Variants in MCUB observed in about 807,000 individuals in gnomAD.
MCUB encodes the protein calcium uniporter regulatory subunit MCUb, mitochondrial.
Under a neutral mutation model 41.4 loss-of-function variants are expected in MCUB, and 46 were observed. That is an observed-to-expected ratio of 1.11 (90% CI 0.88 to 1.42). The LOEUF (loss-of-function observed/expected upper bound fraction) is 1.42. Ranked by LOEUF, MCUB falls within the 40% of genes most tolerant of loss-of-function variation. The probability of loss-of-function intolerance (pLI) is 0.00; values close to 1 mark genes in which losing one functional copy is unlikely to be tolerated. For missense variants in MCUB, 403 were observed against 404.9 expected, an observed-to-expected ratio of 1.00 and a Z score of 0.04; for synonymous variants, 148 against 148.2, an observed-to-expected ratio of 1.00 and a Z score of 0.01.
At position 109,664,313 on chromosome 4, in the gene MCUB, A is replaced by T; in HGVS notation, c.370A>T (p.Thr124Ser). 1 of 1,565,896 alleles carries T rather than the reference A, an allele frequency of 6.4e-7. No individual in the cohort carries two copies. The highest frequency in any genetic ancestry group is 8.8e-7 in the Non-Finnish European group (1 of 1,136,390). Residue 124 changes from threonine (T) to serine (S), a missense_variant, in exon 4 of 8, where the codon ACC becomes TCC. Thr to Ser is a moderately conservative substitution (Grantham distance 58). Coordinates refer to ENST00000394650, the MANE Select transcript of MCUB (RefSeq NM_017918.5). ...TADGNMISAS[T>S]LMDILLMNDF... ...AGATGGCAACATGATTTCAGCTTCTACCTTGATGGATATTTTGCTAATGAA... is the reference window on the plus strand; with the variant it reads ...AGATGGCAACATGATTTCAGCTTCTTCCTTGATGGATATTTTGCTAATGAA...
intron 1 of MCUB, among the ~76,000 whole-genome samples, chr4:109,625,000 TGTG>T (rs1180228050): frequency 1.3e-5 from 2 of 151,888 alleles, no homozygotes; most frequent in Non-Finnish European, 2.9e-5. Context: ...ATTAGCCAGG[TGTG>T]GTGGAGCATG....
chr4:109,647,423 G>A (rs748930164), intron 1 of MCUB, among the ~76,000 whole-genome samples: 6 of 151,924 alleles, frequency 3.9e-5, no homozygotes, highest in Admixed American at 1.3e-4. Context: ...TCATGTAGTC[G>A]GAATCACACA....
chr4:109,578,810 CCTCT>C (rs1434568785), intron 1 of MCUB, among the ~76,000 whole-genome samples: 3 of 152,096 alleles, frequency 2.0e-5, no homozygotes, highest in Admixed American at 2.0e-4. Context: ...CTATTTTTCT[CCTCT>C]CTCTTTTTTG....
intron 4 of MCUB, among the ~76,000 whole-genome samples, chr4:109,676,919 A>C (rs1158363004): frequency 6.6e-6 from 1 of 152,228 alleles, no homozygotes; most frequent in African/African-American, 2.4e-5. Flanking sequence ...AATATTTGGA[A>C]AATTCACAGC....
intron 1 of MCUB, among the ~76,000 whole-genome samples, chr4:109,636,750 G>A (rs558828124): frequency 6.6e-5 from 10 of 152,252 alleles, no homozygotes; most frequent in South Asian, 4.2e-4. Flanking sequence ...CAGGAGAATC[G>A]CTTGAACCTG....
intron 1 of MCUB, among the ~76,000 whole-genome samples, chr4:109,588,393 G>T (rs1391672444): frequency 6.6e-6 from 1 of 152,164 alleles, no homozygotes; most frequent in Non-Finnish European, 1.5e-5. Flanking sequence ...CTGTGTGACT[G>T]CAGTGAGAAT....
At chr4:109,573,211 G>A (rs1017939825) in intron 1 of MCUB, among the ~76,000 whole-genome samples, 49 of 152,228 alleles carry the variant, frequency 3.2e-4, no homozygotes, top group African/African-American at 1.2e-3. Context: ...CCAGCACTTT[G>A]GGAGGCCGAG....
At chr4:109,615,405 A>T (rs984509759) in intron 1 of MCUB, among the ~76,000 whole-genome samples, 3 of 141,722 alleles carry the variant, frequency 2.1e-5, no homozygotes, top group Non-Finnish European at 4.6e-5. Flanking sequence ...ATAGATGTGA[A>T]TTTTTTTTTT....
intron 3 of MCUB, among the ~76,000 whole-genome samples, chr4:109,661,150 G>A (rs971869812): frequency 4.6e-4 from 70 of 152,258 alleles, no homozygotes; most frequent in African/African-American, 1.7e-3. Flanking sequence ...AAAACCAGAA[G>A]TATGTCATCA....
intron 1 of MCUB, among the ~76,000 whole-genome samples, chr4:109,572,552 A>G (rs951931455): frequency 2.6e-5 from 4 of 152,204 alleles, no homozygotes; most frequent in African/African-American, 7.2e-5. Context: ...AACTAACTGT[A>G]TCTCAGAATA....
rs189584899 is a variant in MCUB, at chr4:109,568,957, C to A, written c.99+8521C>A. ...ATCTAGGGGGAAAACCTGAAGCATT[C>A]TTGTCTACTTGTTGAATAATTGAAG... is the stretch of plus-strand genomic sequence containing the variant. On this transcript the variant is annotated intron_variant, in intron 1 of 7. Transcript: ENST00000394650. 2.4e-3 allele frequency among the ~76,000 whole-genome samples: 368 copies of A among 152,320 alleles called. 1 individual carries two copies. Among genetic ancestry groups the A allele is most frequent in the African/African-American group, 8.3e-3 (344 of 41,562 alleles).
At chr4:109,593,526 T>C (rs1727487293) in intron 1 of MCUB, among the ~76,000 whole-genome samples, 1 of 152,192 alleles carries the variant, frequency 6.6e-6, no homozygotes, top group African/African-American at 2.4e-5. Context: ...GTCCATTCCT[T>C]TCTGTATCTG....
In MCUB at chr4:109,664,211, A is replaced by G; in HGVS notation, c.347-79A>G. On this transcript the variant is annotated intron_variant, in intron 3 of 7. Coordinates refer to ENST00000394650, the MANE Select transcript of MCUB (RefSeq NM_017918.5). ...CTATTATATTGTAAAGACCTGGGTT[A>G]GTAATTTTCTATGTGTTGGAAAATG... 2 of 750,920 alleles carry G rather than the reference A, an allele frequency of 2.7e-6. 1 individual carries two copies. Among genetic ancestry groups the G allele is most frequent in the Admixed American group, 3.9e-5 (2 of 50,702 alleles). 46.5% of individuals were successfully genotyped at this position (750,920 alleles called of 1,614,324 possible). A position where few individuals can be genotyped will look rare whatever the true frequency, so the allele number is the denominator to read the frequency against.
At chr4:109,570,968 T>C (rs1726898657) in intron 1 of MCUB, among the ~76,000 whole-genome samples, 1 of 152,198 alleles carries the variant, frequency 6.6e-6, no homozygotes, top group South Asian at 2.1e-4. Context: ...CTAAGATGTA[T>C]AATGAATTCC....
chr4:109,678,025 G>T (rs180888205), intron 4 of MCUB, among the ~76,000 whole-genome samples: 2 of 151,834 alleles, frequency 1.3e-5, no homozygotes, highest in Non-Finnish European at 2.9e-5. Context: ...GACTCTTAAC[G>T]AGTATGCTGC....
At chr4:109,648,717 AGAG>A (rs1728892525) in intron 1 of MCUB, 1 of 299,120 alleles carries the variant, frequency 3.3e-6, no homozygotes. Context: ...TTTTTGGTAC[AGAG>A]AAGCAAAAAA....
At chr4:109,622,816 C>A (rs1728278876) in intron 1 of MCUB, among the ~76,000 whole-genome samples, 1 of 152,076 alleles carries the variant, frequency 6.6e-6, no homozygotes, top group Non-Finnish European at 1.5e-5. Context: ...TTGATCTGTT[C>A]CTGGGTTAGC....
chr4:109,570,762 C>T (rs1475215499), intron 1 of MCUB, among the ~76,000 whole-genome samples: 2 of 152,056 alleles, frequency 1.3e-5, no homozygotes, highest in African/African-American at 2.4e-5. Flanking sequence ...GAGATAAGTA[C>T]GTTAATAAGG....
intron 1 of MCUB, among the ~76,000 whole-genome samples, chr4:109,596,665 G>A (rs1224853053): frequency 2.0e-5 from 3 of 151,768 alleles, no homozygotes; most frequent in Admixed American, 6.6e-5. Context: ...CCCTTGACTC[G>A]GTGCCTCACA....
Sources: allele counts gnomAD v4.1 joint callset (sites outside exome capture counted in the v4.1 genomes callset), GRCh38; gene constraint gnomAD v4.1.1; transcripts MANE v1.5; gene names NCBI Gene and HGNC (gene_info 2026-07-23, HGNC 2026-07-21).